DLGAP1: variants seen among roughly 807,000 people sequenced by gnomAD.
DLGAP1 encodes DLG associated protein 1, also known as disks large-associated protein 1.
A neutral mutation model predicts 90.8 loss-of-function variants in DLGAP1; 11 were observed. The ratio of observed to expected loss-of-function variants is 0.12; its 90% confidence interval spans 0.08 to 0.20. The LOEUF is 0.20. DLGAP1 is among the 10% of genes least tolerant of loss of function. The pLI is 1.00. For missense variants in DLGAP1, 1,050 were observed against 1,333.8 expected, an observed-to-expected ratio of 0.79 and a Z score of 3.31; for synonymous variants, 558 against 540.7, an observed-to-expected ratio of 1.03 and a Z score of -0.44.
intron 7 of DLGAP1, among the ~76,000 whole-genome samples, chr18:3,725,531 T>C (rs2062138507): frequency 1.3e-5 from 2 of 150,718 alleles, no homozygotes; most frequent in Non-Finnish European, 2.9e-5. Flanking sequence ...TGAATCATGT[T>C]TGCATTCTAC....
At chr18:3,557,289 AGGTTGGTGG>A (rs911924418) in intron 9 of DLGAP1, among the ~76,000 whole-genome samples, 4 of 152,134 alleles carry the variant, frequency 2.6e-5, no homozygotes, top group Non-Finnish European at 5.9e-5. Flanking sequence ...TGGGAGGCTG[AGGTTGGTGG>A]ATCACAAGGT....
chr18:3,641,982 T>C (rs975519607), intron 7 of DLGAP1, among the ~76,000 whole-genome samples: 1 of 152,264 alleles, frequency 6.6e-6, no homozygotes, highest in Non-Finnish European at 1.5e-5. Flanking sequence ...GCTTCTGTTC[T>C]GTCTTCAGGG....
chr18:4,021,749 C>T (rs1420989629), intron 2 of DLGAP1, among the ~76,000 whole-genome samples: 1 of 152,118 alleles, frequency 6.6e-6, no homozygotes, highest in African/African-American at 2.4e-5. Flanking sequence ...CAGGTATGGG[C>T]CACCATGCCA....
chr18:4,114,222 CAAT>C (rs2076023655), intron 2 of DLGAP1, among the ~76,000 whole-genome samples: 1 of 151,880 alleles, frequency 6.6e-6, no homozygotes. Context: ...TTGATACTTC[CAAT>C]ACATGAGCAT....
intron 7 of DLGAP1, among the ~76,000 whole-genome samples, chr18:3,651,637 A>G (rs1027356103): frequency 9.2e-5 from 14 of 152,158 alleles, no homozygotes; most frequent in African/African-American, 3.1e-4. Flanking sequence ...CACTAAAAAT[A>G]CAAAAATTAA....
chr18:4,172,390 C>T (rs1431889893), intron 1 of DLGAP1, among the ~76,000 whole-genome samples: 2 of 152,202 alleles, frequency 1.3e-5, no homozygotes, highest in Non-Finnish European at 2.9e-5. Context: ...TTAAGAGTCA[C>T]ATGTCTTGTA....
At chr18:4,172,727 T>A (rs531110465) in intron 1 of DLGAP1, among the ~76,000 whole-genome samples, 1 of 152,208 alleles carries the variant, frequency 6.6e-6, no homozygotes, top group Admixed American at 6.5e-5. Context: ...CCGCAGCTGC[T>A]TCAACCCAGA....
At chr18:4,107,302 A>T (rs72858709) in intron 2 of DLGAP1, among the ~76,000 whole-genome samples, 11,551 of 152,298 alleles carry the variant, frequency 0.076, 603 homozygotes, top group Non-Finnish European at 0.12. Flanking sequence ...ATGGAATCAC[A>T]CAGTGAATTT....
intron 1 of DLGAP1, among the ~76,000 whole-genome samples, chr18:4,244,811 C>T (rs2078620043): frequency 6.6e-6 from 1 of 152,132 alleles, no homozygotes; most frequent in Non-Finnish European, 1.5e-5. Flanking sequence ...AACACAAATC[C>T]AAACTGTATG....
chr18:3,873,766 C>T (rs1160374555), intron 4 of DLGAP1, among the ~76,000 whole-genome samples: 1 of 152,054 alleles, frequency 6.6e-6, no homozygotes, highest in African/African-American at 2.4e-5. Flanking sequence ...CCCCCACCCC[C>T]AAAAAGAGCA....
At chr18:3,944,845 C>A (rs1431510254) in intron 3 of DLGAP1, among the ~76,000 whole-genome samples, 7 of 152,124 alleles carry the variant, frequency 4.6e-5, no homozygotes, top group African/African-American at 1.7e-4. Flanking sequence ...ACTCACCAAG[C>A]CTTCCGCAAA....
chr18:3,701,001 C>T (rs1302654753), intron 7 of DLGAP1, among the ~76,000 whole-genome samples: 11 of 152,180 alleles, frequency 7.2e-5, no homozygotes, highest in Admixed American at 7.2e-4. Flanking sequence ...GCTTCAGCCT[C>T]CTTAGTAGCT....
chr18:4,110,024 GGATACACA>G (rs72122896), intron 2 of DLGAP1, among the ~76,000 whole-genome samples: 73,762 of 151,308 alleles, frequency 0.49, 18,983 homozygotes, highest in African/African-American at 0.66. Flanking sequence ...CAAAAAAAAA[GGATACACA>G]GATACACAGT....
intron 9 of DLGAP1, among the ~76,000 whole-genome samples, chr18:3,554,451 C>T (rs1182736142): frequency 6.6e-6 from 1 of 152,166 alleles, no homozygotes; most frequent in African/African-American, 2.4e-5. Context: ...CCTTTCAAAA[C>T]GACATACGCA....
intron 1 of DLGAP1, among the ~76,000 whole-genome samples, chr18:4,258,010 T>TGTGTGTGTGTGTGTGTGC (rs529531621): frequency 2.9e-5 from 4 of 137,006 alleles, no homozygotes; most frequent in African/African-American, 1.2e-4. Flanking sequence ...TGTGTGTGTG[T>TGTGTGTGTGTGTGTGTGC]GCGCGCGCGC....
intron 1 of DLGAP1, among the ~76,000 whole-genome samples, chr18:4,424,362 A>T (rs969512947): frequency 2.0e-5 from 3 of 152,132 alleles, no homozygotes; most frequent in Non-Finnish European, 4.4e-5. Flanking sequence ...CAAATTCTTA[A>T]TTTCAATTTG....
intron 1 of DLGAP1, among the ~76,000 whole-genome samples, chr18:4,317,197 A>C (rs185494250): frequency 6.6e-6 from 1 of 152,178 alleles, no homozygotes; most frequent in African/African-American, 2.4e-5. Flanking sequence ...ATGACCTTAG[A>C]TTCCTCACTG....
At chr18:4,168,506 C>A (rs2076969491) in intron 1 of DLGAP1, among the ~76,000 whole-genome samples, 1 of 152,058 alleles carries the variant, frequency 6.6e-6, no homozygotes, top group Non-Finnish European at 1.5e-5. Flanking sequence ...ACAGCTTTTT[C>A]ACCTTCCCAA....
At chr18:3,921,392 C>T (rs1056446464) in intron 3 of DLGAP1, among the ~76,000 whole-genome samples, 1 of 152,040 alleles carries the variant, frequency 6.6e-6, no homozygotes, top group East Asian at 1.9e-4. Flanking sequence ...TTAAATAGTG[C>T]CTGCAGTATC....
Sources: gnomAD v4.1 joint callset for allele counts (sites outside exome capture counted in the v4.1 genomes callset) on GRCh38, gnomAD v4.1.1 for gene constraint, MANE v1.5 for transcripts, NCBI Gene and HGNC (gene_info 2026-07-23, HGNC 2026-07-21) for gene names.